NPEPL1: variants seen among roughly 807,000 people sequenced by gnomAD.
NPEPL1 encodes the protein probable aminopeptidase NPEPL1.
A neutral mutation model predicts 52.4 loss-of-function variants in NPEPL1; 45 were observed. The observed-to-expected ratio is 0.86, with a 90% CI of 0.68 to 1.10. The LOEUF (loss-of-function observed/expected upper bound fraction) is 1.10, where lower values mean the gene tolerates loss of function less well. Ranked by LOEUF, NPEPL1 falls within the 50% of genes least tolerant of loss-of-function variation. The probability of loss-of-function intolerance (pLI) is 0.00; values close to 1 mark genes in which losing one functional copy is unlikely to be tolerated. For synonymous variants in NPEPL1, 360 were observed against 314.7 expected, an observed-to-expected ratio of 1.14 and a Z score of -1.52; for missense variants, 696 against 710.9, an observed-to-expected ratio of 0.98 and a Z score of 0.24.
chr20:58,700,592 A>G (rs541981021), intron 5 of NPEPL1, among the ~76,000 whole-genome samples: 1 of 152,322 alleles, frequency 6.6e-6, no homozygotes, highest in East Asian at 1.9e-4. Context: ...CCAAAGAGGC[A>G]GTGGTGCAGG....
At position 58,713,910 on chromosome 20, in the gene NPEPL1, C is replaced by T. The variant is rs1294847281; in HGVS notation, c.1126-7C>T. On this transcript the variant is annotated splice_polypyrimidine_tract_variant and splice_region_variant and intron_variant, in intron 9 of 11. Transcript: ENST00000356091. This position sits in a 1 kb window ranked among gnomAD's most constrained non-coding sequence, Gnocchi z 4.6. The stretch of plus-strand genomic sequence containing the variant: ...TCCACACGCTTCCCGGGTTCCTGCC[C>T]GCCCAGGGCATTGCCACAGGGAAGT... 42 of 1,456,594 alleles carry T rather than the reference C, an allele frequency of 2.9e-5. No individual in the cohort carries two copies. Among genetic ancestry groups the T allele is most frequent in the Non-Finnish European group, 3.1e-5 (34 of 1,107,462 alleles). 90.2% of individuals were successfully genotyped at this position (1,456,594 alleles called of 1,614,324 possible).
chr20:58,691,714 T>TTTTTTTTTTTTTA, upstream of NPEPL1: 1 of 722,240 alleles, frequency 1.4e-6, no homozygotes, highest in South Asian at 1.9e-5. Flanking sequence ...TTTTTTTTTT[T>TTTTTTTTTTTTTA]CATTTTTAGG....
chr20:58,703,764 C>T (rs1367334125), intron 6 of NPEPL1: 16 of 850,760 alleles, frequency 1.9e-5, no homozygotes, highest in Non-Finnish European at 2.2e-5. Flanking sequence ...CCACACAGGC[C>T]TTCCCTAGAG....
In NPEPL1 at chr20:58,715,687, C is replaced by A; in HGVS notation, c.*361C>A. The A allele has an allele frequency of 5.5e-6, 1 of 180,786 alleles. No individual in the cohort carries two copies. Among genetic ancestry groups the A allele is most frequent in the Non-Finnish European group, 1.1e-5 (1 of 87,442 alleles). The allele number at this position is 180,786 out of a possible 1,614,324, so 11.2% of individuals were successfully genotyped here. On this transcript the variant is annotated 3_prime_UTR_variant, in exon 12 of 12. Coordinates refer to ENST00000356091, the MANE Select transcript of NPEPL1 (RefSeq NM_024663.4). ...TGCGTGGCTGACAGCCAGGCTCTTA[C>A]TCCAGCCGGGGCTGCCAGCGCATCC...
At chr20:58,699,080 C>G in intron 4 of NPEPL1, 117 bp from the exon 5 acceptor site, 1 of 970,502 alleles carries the variant, frequency 1.0e-6, no homozygotes, top group Non-Finnish European at 1.6e-6. Context: ...GCTCCCAAGC[C>G]CGGCTCCCCG....
In NPEPL1 at chr20:58,707,126, A is replaced by G. The variant is rs2084751129; in HGVS notation, c.826A>G (p.Thr276Ala). 3.9e-6 allele frequency: 6 copies of G among 1,551,546 alleles called. No individual in the cohort carries two copies. Among genetic ancestry groups the G allele is most frequent in the Non-Finnish European group, 5.2e-6 (6 of 1,147,320 alleles). Reference protein sequence around the residue: ...TGGLSIKGKTTMPGMKRDCGG... With the variant: ...TGGLSIKGKTAMPGMKRDCGG... Reference sequence around the variant, plus strand: ...GGTCCCTTTGTACCACCCGCAGACTACCATGCCGGGGATGAAGCGAGACTG... The same window carrying G: ...GGTCCCTTTGTACCACCCGCAGACTGCCATGCCGGGGATGAAGCGAGACTG... Residue 276 changes from threonine to alanine, a missense_variant, in exon 7 of 12, where the codon ACC (threonine) becomes GCC (alanine). By Grantham distance (58) the Thr-to-Ala change is moderately conservative. Transcript: ENST00000356091.
chr20:58,707,464 C>T (rs957370407), intron 7 of NPEPL1, among the ~76,000 whole-genome samples: 4 of 152,244 alleles, frequency 2.6e-5, no homozygotes, highest in African/African-American at 9.6e-5. Flanking sequence ...GCCCCATGAG[C>T]GGTTGGCTCA....
At chr20:58,691,066 A>G, upstream of NPEPL1, 1 of 701,998 alleles carries the variant, frequency 1.4e-6, no homozygotes, top group Non-Finnish European at 2.6e-6. Context: ...TTCTTTCTCA[A>G]TCTCTTCGCC....
chr20:58,706,857 T>G (rs1314915659), intron 6 of NPEPL1, among the ~76,000 whole-genome samples: 2 of 152,198 alleles, frequency 1.3e-5, no homozygotes, highest in Admixed American at 1.3e-4. Flanking sequence ...AGTTACTGTT[T>G]GATAACCCCA....
At position 58,698,662 on chromosome 20, in the gene NPEPL1, GTGA is replaced by G. The variant is rs772228538; in HGVS notation, c.508-19_508-17del. ...ACATCTGCCTCCCACCTGGTCCCCA[GTGA>G]TGGCCTTTTTCTCCCTAGTGCTTAG... On this transcript the variant is annotated intron_variant, in intron 3 of 11. Transcript: ENST00000356091. 11 of 1,607,408 alleles carry G rather than the reference GTGA, an allele frequency of 6.8e-6. No homozygotes were observed. In the East Asian group the frequency reaches 8.9e-5, roughly 13 times the overall value.
chr20:58,703,197 A>G (rs1004431803), intron 6 of NPEPL1, among the ~76,000 whole-genome samples: 8 of 152,250 alleles, frequency 5.3e-5, no homozygotes, highest in Admixed American at 3.3e-4. Context: ...GCTAACGTCC[A>G]TGTAATGTTA....
chr20:58,705,640 A>T (rs2084721757), intron 6 of NPEPL1: 1 of 437,856 alleles, frequency 2.3e-6, no homozygotes, highest in African/African-American at 2.0e-5. Context: ...TTCTATAAAA[A>T]CAGAAACAAC....
intron 11 of NPEPL1, 89 bp from the exon 12 acceptor site, chr20:58,715,079 G>C (rs1315369271): frequency 7.1e-7 from 1 of 1,404,144 alleles, no homozygotes; most frequent in Non-Finnish European, 9.5e-7. Context: ...GGGGCACGTG[G>C]AGGGGACCCA....
At chr20:58,707,049 G>C in intron 6 of NPEPL1, 74 bp from the exon 7 acceptor site, 1 of 1,445,842 alleles carries the variant, frequency 6.9e-7, no homozygotes, top group Non-Finnish European at 9.5e-7. Context: ...GGCCGGGTGG[G>C]GGTGGGGGGC....
At chr20:58,714,786 G>A in intron 11 of NPEPL1, 116 bp downstream of exon 11, 1 of 819,904 alleles carries the variant, frequency 1.2e-6, no homozygotes. Flanking sequence ...CTGTGACCCA[G>A]CTTCCAGCCC....
At position 58,714,495 on chromosome 20, in the gene NPEPL1, G is replaced by A. The variant is rs537118624; in HGVS notation, c.1303-65G>A. 319 of 1,179,626 alleles carry A rather than the reference G, an allele frequency of 2.7e-4. 2 individuals carry two copies. In the South Asian group the frequency reaches 4.4e-3, roughly 16 times the overall value. 73.1% of individuals were successfully genotyped at this position (1,179,626 alleles called of 1,614,324 possible). On this transcript the variant is annotated intron_variant, in intron 10 of 11. Transcript: ENST00000356091. Reference sequence around the variant, plus strand: ...GCAGACAGCAATAGTGACAGGCGATGGGGCAGGGTGGAGAGGGCCCGGCCG... The same window carrying A: ...GCAGACAGCAATAGTGACAGGCGATAGGGCAGGGTGGAGAGGGCCCGGCCG...
chr20:58,704,218 A>G (rs2084693474), intron 6 of NPEPL1: 2 of 985,256 alleles, frequency 2.0e-6, no homozygotes, highest in African/African-American at 3.5e-5. Flanking sequence ...CTGTAGAGCA[A>G]ATGGTGCAGA....
chr20:58,699,385 C>T (rs1488456256), intron 5 of NPEPL1, 107 bp downstream of exon 5: 2 of 835,996 alleles, frequency 2.4e-6, no homozygotes, highest in Non-Finnish European at 3.7e-6. Flanking sequence ...CAAACTTCAT[C>T]CTGCTTGTGA....
At chr20:58,699,555 T>C (rs979552518) in intron 5 of NPEPL1, among the ~76,000 whole-genome samples, 10 of 152,356 alleles carry the variant, frequency 6.6e-5, no homozygotes, top group African/African-American at 9.6e-5. Flanking sequence ...CCTCGCGTGC[T>C]GCACACCCTT....
Sources: gnomAD v4.1 joint callset for allele counts (sites outside exome capture counted in the v4.1 genomes callset) on GRCh38, gnomAD v4.1.1 for gene constraint, Gnocchi (gnomAD v3.1) non-coding constraint, MANE v1.5 for transcripts, NCBI Gene and HGNC (gene_info 2026-07-23, HGNC 2026-07-21) for gene names.